Variants in MPP7 observed in about 807,000 individuals in gnomAD.
MPP7 encodes MAGUK p55 scaffold protein 7.
A neutral mutation model predicts 76.5 loss-of-function variants in MPP7; 60 were observed. The observed-to-expected ratio is 0.78, with a 90% CI of 0.64 to 0.97. The LOEUF (loss-of-function observed/expected upper bound fraction) is 0.97, where lower values mean the gene tolerates loss of function less well. Among genes scored for constraint, MPP7 ranks in the 50% least tolerant of loss-of-function variants. The pLI is 0.00. For synonymous variants in MPP7, 237 were observed against 244.5 expected (o/e 0.97, Z 0.29); for missense variants, 641 against 694.0 (o/e 0.92, Z 0.86).
intron 10 of MPP7, 91 bp downstream of exon 10, chr10:28,120,103 G>A: frequency 7.5e-7 from 1 of 1,341,242 alleles, no homozygotes; most frequent in Non-Finnish European, 1.0e-6. Flanking sequence ...AGGTTTTATA[G>A]CATATTTTAT....
intron 8 of MPP7, among the ~76,000 whole-genome samples, chr10:28,122,557 C>T (rs201157368): frequency 1.3e-5 from 2 of 152,296 alleles, no homozygotes; most frequent in East Asian, 3.9e-4. Context: ...CCCTGACCAA[C>T]TCTAGGCATT....
rs564191839 is a variant in MPP7 at position 28,101,887 on chromosome 10, G to C, written c.953-12046C>G. 8.6e-5 allele frequency among the ~76,000 whole-genome samples: 13 copies of C among 151,486 alleles called. No individual in the cohort carries two copies. In the East Asian group the frequency reaches 1.6e-3, roughly 18 times the overall value. ...ACTTTGGAAGCAAACATACTGTTCT[G>C]AAAGACCAAAAATAAACTAACTTCT... On this transcript the variant is annotated intron_variant, in intron 11 of 16. Coordinates refer to ENST00000683449, the MANE Select transcript of MPP7 (RefSeq NM_001318170.2).
At chr10:28,146,611 T>G (rs1564657540) in intron 5 of MPP7, among the ~76,000 whole-genome samples, 1 of 152,100 alleles carries the variant, frequency 6.6e-6, no homozygotes, top group Non-Finnish European at 1.5e-5. Flanking sequence ...AAAAATAAAT[T>G]TAAAACCAAG....
chr10:28,139,998 G>A (rs919467503), intron 5 of MPP7, among the ~76,000 whole-genome samples: 3 of 152,050 alleles, frequency 2.0e-5, no homozygotes, highest in South Asian at 2.1e-4. Context: ...TATAAAAAAT[G>A]AAACCCAAAC....
chr10:28,278,829 G>GA lies in MPP7; in HGVS notation c.-132+24031dup, dbSNP rs796411250. 3.0e-3 allele frequency among the ~76,000 whole-genome samples: 361 copies of GA among 121,034 alleles called. 1 individual carries two copies. Among genetic ancestry groups the GA allele is most frequent in the Middle Eastern group, 9.1e-3 (2 of 220 alleles). 79.4% of individuals were successfully genotyped at this position (121,034 alleles called of 152,430 possible). ...TCATTTATTCCATTTTTTTTAATCT[G>GA]AAAAAAAAAAAACACCAAAATGTTA... On this transcript the variant is annotated intron_variant, in intron 1 of 16. Transcript: ENST00000683449.
chr10:28,190,896 CA>C (rs1273297936), intron 3 of MPP7, among the ~76,000 whole-genome samples: 1 of 151,324 alleles, frequency 6.6e-6, no homozygotes, highest in Non-Finnish European at 1.5e-5. Context: ...AATCTATAGC[CA>C]GGGAAAAAAG....
rs528362034 is a variant in MPP7, at chr10:28,309,842, T to C, written c.-132+20087A>G. Among the ~76,000 whole-genome samples, 26 of 21,654 alleles carry C rather than the reference T, an allele frequency of 1.2e-3. 1 individual carries two copies. In the South Asian group the frequency reaches 0.044, roughly 36 times the overall value. 14.2% of individuals were successfully genotyped at this position (21,654 alleles called of 152,430 possible). On this transcript the variant is annotated intron_variant, in intron 2 of 11. Coordinates refer to the MPP7 transcript ENST00000441595. Reference sequence around the variant, plus strand: ...GTGTGGCACATCCCCTCCCTGGGGATTGGCTCCAGGGTTGGCTCCAGCTGT... The same window carrying C: ...GTGTGGCACATCCCCTCCCTGGGGACTGGCTCCAGGGTTGGCTCCAGCTGT...
intron 12 of MPP7, among the ~76,000 whole-genome samples, chr10:28,073,507 C>T (rs117595193): frequency 0.017 from 2,548 of 152,268 alleles, 52 homozygotes; most frequent in East Asian, 0.11. Flanking sequence ...GAGTGCCTCA[C>T]ACCTGTAATC....
In MPP7 at chr10:28,200,220, T is replaced by C. The variant is rs186676663; in HGVS notation, c.156+1933A>G. On this transcript the variant is annotated intron_variant, in intron 3 of 16. Coordinates refer to ENST00000683449, the MANE Select transcript of MPP7 (RefSeq NM_001318170.2). ...TCCTGAAAGTATTGCAGACTTTACATACTTGAAAACGAATAGAATGGGTCA... is the reference window on the plus strand; with the variant it reads ...TCCTGAAAGTATTGCAGACTTTACACACTTGAAAACGAATAGAATGGGTCA... Among the ~76,000 whole-genome samples, 7 of 152,302 alleles carry C rather than the reference T, an allele frequency of 4.6e-5. No homozygotes were observed. The East Asian group carries it at 9.6e-4, about 21-fold the overall frequency.
chr10:28,270,898 C>G (rs769541916), intron 1 of MPP7, among the ~76,000 whole-genome samples: 11 of 152,240 alleles, frequency 7.2e-5, no homozygotes, highest in Non-Finnish European at 1.5e-4. Flanking sequence ...ATGATGGGAT[C>G]TCTCAGTGGG....
intron 2 of MPP7, among the ~76,000 whole-genome samples, chr10:28,313,921 G>A (rs1337962289): frequency 7.3e-6 from 1 of 136,588 alleles, no homozygotes. Flanking sequence ...GCCCAGGCTG[G>A]TCTTGAACTC....
In MPP7 at chr10:28,057,601, AC is replaced by A. The variant is rs1322961191; in HGVS notation, c.1407+893del. 1,289 of 302,580 alleles carry A rather than the reference AC, an allele frequency of 4.3e-3. 56 individuals carry two copies. In the African/African-American group the frequency reaches 0.052, roughly 12 times the overall value. 18.7% of individuals were successfully genotyped at this position (302,580 alleles called of 1,614,324 possible). A position where few individuals can be genotyped will look rare whatever the true frequency, so the allele number is the denominator to read the frequency against. ...GTCTGCAGAGCAGTGAGCCAATTAA[AC>A]CTCTTTTTTTTTTTTTTTTTTTTTT... On this transcript the variant is annotated intron_variant, in intron 15 of 16. Transcript: ENST00000683449.
In MPP7 at chr10:28,303,029, G is replaced by A. The variant is rs1841204021; in HGVS notation, c.-300C>T. On this transcript the variant is annotated 5_prime_UTR_variant, in exon 1 of 17. Coordinates refer to ENST00000683449, the MANE Select transcript of MPP7 (RefSeq NM_001318170.2). ...CGCAGAACGCACGAGCCCAGTGGGAGCCCGGCCCCCGCCTCCAGCCCGGCT... is the reference window on the plus strand; with the variant it reads ...CGCAGAACGCACGAGCCCAGTGGGAACCCGGCCCCCGCCTCCAGCCCGGCT... Among the ~76,000 whole-genome samples, 2 of 150,064 alleles carry A rather than the reference G, an allele frequency of 1.3e-5. No individual in the cohort carries two copies. The highest frequency in any genetic ancestry group is 2.1e-4 in the South Asian group (1 of 4,818).
intron 2 of MPP7, among the ~76,000 whole-genome samples, chr10:28,215,103 G>A (rs1189250393): frequency 6.6e-6 from 1 of 151,916 alleles, no homozygotes; most frequent in East Asian, 1.9e-4. Flanking sequence ...TCTCCAGCCT[G>A]AACAATCAGC....
At chr10:28,141,291 A>C (rs1216640733) in intron 5 of MPP7, among the ~76,000 whole-genome samples, 1 of 152,140 alleles carries the variant, frequency 6.6e-6, no homozygotes, top group Non-Finnish European at 1.5e-5. Context: ...GGAAGCACAG[A>C]AGTATCCCCA....
intron 11 of MPP7, among the ~76,000 whole-genome samples, chr10:28,098,101 T>C (rs1162735607): frequency 6.6e-6 from 1 of 152,148 alleles, no homozygotes; most frequent in Non-Finnish European, 1.5e-5. Context: ...AAAATAAGTT[T>C]CATATTATAG....
rs1851464223 is a variant in MPP7, at chr10:28,054,248, C to A, written c.1552-4G>T. ...TCATTTCTTGAAAATCTTCTTCCTA[C>A]AAAAGGAAGTATTAAAAAAATAATT... On this transcript the variant is annotated splice_region_variant and splice_polypyrimidine_tract_variant and intron_variant, in intron 16 of 16. Transcript: ENST00000683449. The A allele has an allele frequency of 6.5e-7, 1 of 1,530,352 alleles. No homozygotes were observed. The highest frequency in any genetic ancestry group is 1.2e-5 in the South Asian group (1 of 84,386). The allele number at this position is 1,530,352 out of a possible 1,614,324, so 94.8% of individuals were successfully genotyped here. A position where few individuals can be genotyped will look rare whatever the true frequency, so the allele number is the denominator to read the frequency against.
intron 12 of MPP7, among the ~76,000 whole-genome samples, chr10:28,083,437 A>C (rs533213832): frequency 9.0e-4 from 137 of 152,112 alleles, no homozygotes; most frequent in Non-Finnish European, 1.8e-3. Flanking sequence ...CTGTACAGGC[A>C]TTCTTGATTC....
chr10:28,132,606 T>A (rs1835228700), intron 5 of MPP7, among the ~76,000 whole-genome samples: 1 of 151,998 alleles, frequency 6.6e-6, no homozygotes. Flanking sequence ...TTTTTTTTAT[T>A]TTTATTTTTT....
Sources: allele counts gnomAD v4.1 joint callset (sites outside exome capture counted in the v4.1 genomes callset), GRCh38; gene constraint gnomAD v4.1.1; transcripts MANE v1.5; gene names NCBI Gene and HGNC (gene_info 2026-07-23, HGNC 2026-07-21).